Variants in STAU2 observed in about 807,000 individuals in gnomAD.
The protein encoded by STAU2 is double-stranded RNA-binding protein Staufen homolog 2.
STAU2 carries 20 observed loss-of-function variants against 65.9 expected under a neutral mutation model. The observed-to-expected ratio is 0.30, with a 90% confidence interval of 0.21 to 0.44. The LOEUF (loss-of-function observed/expected upper bound fraction) is 0.44, where lower values mean the gene tolerates loss of function less well. Among genes scored for constraint, STAU2 ranks in the 20% least tolerant of loss-of-function variants. The pLI is 1.00. For missense variants in STAU2, 558 were observed against 683.9 expected (o/e 0.82, Z 2.05); for synonymous variants, 232 against 233.9 (o/e 0.99, Z 0.07).
intron 5 of STAU2, among the ~76,000 whole-genome samples, chr8:73,681,097 T>C (rs1418607406): frequency 6.6e-6 from 1 of 151,890 alleles, no homozygotes; most frequent in Non-Finnish European, 1.5e-5. Context: ...GACATCCAAA[T>C]ACAAGAAGGT....
chr8:73,694,485 T>C (rs1819566084), intron 4 of STAU2, among the ~76,000 whole-genome samples: 1 of 152,192 alleles, frequency 6.6e-6, no homozygotes, highest in Non-Finnish European at 1.5e-5. Context: ...ACACAAAGTA[T>C]GTTCATTGGG....
At position 73,684,474 on chromosome 8, in the gene STAU2, G is replaced by T. The variant is rs538901784; in HGVS notation, c.274+4180C>A. ...AAAAATTAACTCAAGATGGATCAAA[G>T]ACTTAAATCAAGGCCTGAAACCATA... On this transcript the variant is annotated intron_variant, in intron 5 of 14. Transcript: ENST00000524300. Among the ~76,000 whole-genome samples, 25 of 152,262 alleles carry T rather than the reference G, an allele frequency of 1.6e-4. No homozygotes were observed. In the South Asian group the frequency reaches 3.7e-3, roughly 23 times the overall value.
chr8:73,612,815 G>A (rs1440459221), intron 9 of STAU2, among the ~76,000 whole-genome samples: 2 of 152,122 alleles, frequency 1.3e-5, no homozygotes, highest in Non-Finnish European at 2.9e-5. Flanking sequence ...AGCCTGATCA[G>A]AAGAAGGCTG....
chr8:73,577,294 G>A (rs1279698044), intron 12 of STAU2, among the ~76,000 whole-genome samples: 2 of 151,900 alleles, frequency 1.3e-5, no homozygotes, highest in East Asian at 1.9e-4. Flanking sequence ...CGGGCGTGGT[G>A]GCAGGCGCCT....
intron 6 of STAU2, among the ~76,000 whole-genome samples, chr8:73,656,425 C>T (rs1816379930): frequency 6.6e-6 from 1 of 152,226 alleles, no homozygotes; most frequent in African/African-American, 2.4e-5. Context: ...TAACCAGAAA[C>T]TACCTGACTT....
chr8:73,533,382 A>T (rs1265277809), intron 13 of STAU2, among the ~76,000 whole-genome samples: 1 of 152,204 alleles, frequency 6.6e-6, no homozygotes, highest in Non-Finnish European at 1.5e-5. Context: ...TATAACTTTT[A>T]AGATAAGTTT....
intron 1 of STAU2, 57 bp downstream of exon 1, chr8:73,746,726 C>T: frequency 8.9e-7 from 1 of 1,119,536 alleles, no homozygotes; most frequent in Non-Finnish European, 1.1e-6. Flanking sequence ...CCTCTGCCTT[C>T]TTCGCCGGCG....
chr8:73,734,538 G>A (rs1806295061), intron 3 of STAU2, among the ~76,000 whole-genome samples: 1 of 152,174 alleles, frequency 6.6e-6, no homozygotes, highest in Non-Finnish European at 1.5e-5. Context: ...GCTCACGCCT[G>A]TAATCCCAGC....
chr8:73,647,414 T>C (rs1008852746), intron 6 of STAU2, among the ~76,000 whole-genome samples: 2 of 152,200 alleles, frequency 1.3e-5, no homozygotes, highest in Non-Finnish European at 2.9e-5. Context: ...AAAAGTCACA[T>C]ACTATGATTC....
intron 12 of STAU2, among the ~76,000 whole-genome samples, chr8:73,580,962 T>C (rs1456229850): frequency 3.3e-5 from 5 of 152,220 alleles, no homozygotes; most frequent in Non-Finnish European, 5.9e-5. Flanking sequence ...CTGGTTAAGA[T>C]TTAAGCTGGC....
intron 6 of STAU2, among the ~76,000 whole-genome samples, chr8:73,647,866 G>C (rs574368989): frequency 3.9e-5 from 6 of 152,264 alleles, no homozygotes; most frequent in Admixed American, 1.3e-4. Flanking sequence ...ATAGGCATGA[G>C]TCACCATGCC....
At chr8:73,567,829 A>G (rs891546014) in intron 12 of STAU2, among the ~76,000 whole-genome samples, 18 of 151,552 alleles carry the variant, frequency 1.2e-4, no homozygotes, top group East Asian at 2.0e-4. Flanking sequence ...GATTACAGGC[A>G]TCCCACCTTT....
intron 13 of STAU2, among the ~76,000 whole-genome samples, chr8:73,523,691 C>T (rs148939051): frequency 5.9e-5 from 9 of 152,154 alleles, no homozygotes; most frequent in African/African-American, 1.4e-4. Context: ...TGTAGCCTTT[C>T]GAATGGTTTC....
intron 13 of STAU2, among the ~76,000 whole-genome samples, chr8:73,501,716 G>C (rs975694938): frequency 6.6e-6 from 1 of 151,924 alleles, no homozygotes; most frequent in Non-Finnish European, 1.5e-5. Flanking sequence ...GCCTTAATGG[G>C]AAAAGAAAGT....
chr8:73,503,737 C>G (rs1821891824), intron 13 of STAU2, among the ~76,000 whole-genome samples: 1 of 152,006 alleles, frequency 6.6e-6, no homozygotes, highest in Non-Finnish European at 1.5e-5. Context: ...ACGTTAATAT[C>G]TGAGCATGTA....
At chr8:73,504,348 A>T (rs1024598861) in intron 13 of STAU2, among the ~76,000 whole-genome samples, 17 of 152,140 alleles carry the variant, frequency 1.1e-4, no homozygotes, top group African/African-American at 3.4e-4. Context: ...ATTATCAATG[A>T]CCACAGTCAT....
Position 73,603,737 on chromosome 8 carries a change from A to G in STAU2, c.1018T>C (p.Phe340Leu), listed in dbSNP as rs767031347. 7.5e-6 allele frequency: 12 copies of G among 1,610,596 alleles called. No individual in the cohort carries two copies. Among genetic ancestry groups the G allele is most frequent in the African/African-American group, 1.3e-5 (1 of 74,728 alleles). The change falls in exon 10 of 15, where the codon TTT becomes CTT. Residue 340 changes from phenylalanine to leucine, a missense_variant. Transcript: ENST00000524300. ...SERGMPRRRE[F>L]VMQVKVGNEV... ...AAGGTTAGAAATACCTGCATCACAA[A>G]TTCTCGACGTCGAGGCATTCCTCTT...
At chr8:73,642,878 G>C (rs1046339687) in intron 6 of STAU2, among the ~76,000 whole-genome samples, 4 of 152,174 alleles carry the variant, frequency 2.6e-5, no homozygotes, top group Non-Finnish European at 5.9e-5. Context: ...GGAAACTGCA[G>C]CCAGTGTGGC....
At chr8:73,726,445 A>T (rs1324356389) in intron 3 of STAU2, among the ~76,000 whole-genome samples, 3 of 152,184 alleles carry the variant, frequency 2.0e-5, no homozygotes, top group Non-Finnish European at 2.9e-5. Context: ...AATAAATAAA[A>T]GTCATTATTT....
Sources: allele counts gnomAD v4.1 joint callset (sites outside exome capture counted in the v4.1 genomes callset), GRCh38; gene constraint gnomAD v4.1.1; transcripts MANE v1.5; gene names NCBI Gene and HGNC (gene_info 2026-07-23, HGNC 2026-07-21).